ZHX2: variants seen among roughly 807,000 people sequenced by gnomAD.
ZHX2 encodes zinc fingers and homeoboxes 2.
ZHX2 carries 6 observed loss-of-function variants against 21.9 expected under a neutral mutation model. The observed-to-expected ratio is 0.27, with a 90% CI of 0.15 to 0.54. ZHX2 has a LOEUF of 0.54. Ranked by LOEUF, ZHX2 falls within the 20% of genes least tolerant of loss-of-function variation. The probability of loss-of-function intolerance (pLI) is 0.95; values close to 1 mark genes in which losing one functional copy is unlikely to be tolerated. For synonymous variants in ZHX2, 434 were observed against 437.1 expected (o/e 0.99, Z 0.09); for missense variants, 908 against 1,090.7 (o/e 0.83, Z 2.36).
At chr8:122,933,010 A>G (rs1015925081) in intron 2 of ZHX2, among the ~76,000 whole-genome samples, 3 of 152,134 alleles carry the variant, frequency 2.0e-5, no homozygotes, top group African/African-American at 7.2e-5. Context: ...CAAGGCTTTG[A>G]GATAAAGGGA....
At chr8:122,785,305 G>GTT (rs1817373549) in intron 1 of ZHX2, among the ~76,000 whole-genome samples, 2 of 152,276 alleles carry the variant, frequency 1.3e-5, no homozygotes, top group Non-Finnish European at 2.9e-5. Flanking sequence ...AGACAACAAC[G>GTT]GGGTGAGGGG....
At chr8:122,801,588 A>G (rs1817721453) in intron 1 of ZHX2, among the ~76,000 whole-genome samples, 1 of 141,516 alleles carries the variant, frequency 7.1e-6, no homozygotes, top group African/African-American at 2.6e-5. Context: ...ATCTCTACAA[A>G]AAAAAAAAAA....
chr8:122,882,200 T>C (rs1819728705), intron 2 of ZHX2, among the ~76,000 whole-genome samples: 1 of 152,184 alleles, frequency 6.6e-6, no homozygotes, highest in Admixed American at 6.5e-5. Context: ...CCCTCTTTTT[T>C]TGGCCACATT....
intron 1 of ZHX2, among the ~76,000 whole-genome samples, chr8:122,862,927 C>T (rs1337482134): frequency 6.6e-6 from 1 of 152,204 alleles, no homozygotes; most frequent in Admixed American, 6.5e-5. Context: ...GAACCGGGCA[C>T]ATGCCTTTTT....
In ZHX2 at chr8:122,895,671, A is replaced by G. The variant is rs546144886; in HGVS notation, c.-220+32132A>G. ...AGATGCTGTGTTAAGATGCAGGACA[A>G]CAAGGTAGATGTCATCCTTGCTCTT... On this transcript the variant is annotated intron_variant, in intron 2 of 3. Transcript: ENST00000314393. 3.9e-5 allele frequency among the ~76,000 whole-genome samples: 6 copies of G among 152,146 alleles called. No homozygotes were observed. The South Asian group carries it at 1.2e-3, about 32-fold the overall frequency.
chr8:122,866,024 G>T (rs1819286234), intron 2 of ZHX2, among the ~76,000 whole-genome samples: 2 of 152,212 alleles, frequency 1.3e-5, no homozygotes, highest in Admixed American at 1.3e-4. Flanking sequence ...ATTCCTAGCT[G>T]TGGGCCTCCT....
chr8:122,864,594 CAA>C (rs112125731), intron 2 of ZHX2, among the ~76,000 whole-genome samples: 15 of 152,158 alleles, frequency 9.9e-5, no homozygotes, highest in African/African-American at 3.6e-4. Flanking sequence ...ACCACATAGA[CAA>C]GAGGAAAAGG....
intron 1 of ZHX2, among the ~76,000 whole-genome samples, chr8:122,841,097 C>T (rs1222984031): frequency 1.3e-5 from 2 of 152,164 alleles, no homozygotes; most frequent in South Asian, 2.1e-4. Flanking sequence ...GTCTTTCTTT[C>T]GTTTTAGCAG....
intron 1 of ZHX2, among the ~76,000 whole-genome samples, chr8:122,838,301 C>T (rs1003181417): frequency 2.6e-5 from 4 of 152,176 alleles, no homozygotes; most frequent in African/African-American, 7.2e-5. Context: ...GAATATTCCT[C>T]GTGTGCCCAT....
At chr8:122,879,364 G>C (rs561947878) in intron 2 of ZHX2, among the ~76,000 whole-genome samples, 1 of 151,922 alleles carries the variant, frequency 6.6e-6, no homozygotes, top group South Asian at 2.1e-4. Flanking sequence ...ATGCCACCAC[G>C]CCCAGCTAAC....
At chr8:122,957,314 A>AG (rs1813329892) in intron 3 of ZHX2, among the ~76,000 whole-genome samples, 1 of 149,506 alleles carries the variant, frequency 6.7e-6, no homozygotes, top group African/African-American at 2.5e-5. Flanking sequence ...AAAAAAAAAA[A>AG]CATGCAGGAA....
At chr8:122,793,787 G>A (rs1483966393) in intron 1 of ZHX2, among the ~76,000 whole-genome samples, 2 of 152,232 alleles carry the variant, frequency 1.3e-5, no homozygotes, top group East Asian at 1.9e-4. Flanking sequence ...CCTCTTAATC[G>A]CAGAAGCTTG....
intron 2 of ZHX2, among the ~76,000 whole-genome samples, chr8:122,935,934 C>T (rs1406152169): frequency 6.6e-6 from 1 of 152,158 alleles, no homozygotes; most frequent in Non-Finnish European, 1.5e-5. Flanking sequence ...TCTGTCTCCC[C>T]TCCTAGATGG....
chr8:122,859,184 A>C (rs555355308), intron 1 of ZHX2, among the ~76,000 whole-genome samples: 39 of 152,328 alleles, frequency 2.6e-4, no homozygotes, highest in African/African-American at 8.9e-4. Flanking sequence ...CGCTCCTTCC[A>C]GCATGCTGCT....
chr8:122,801,223 T>C (rs1187286280), intron 1 of ZHX2, among the ~76,000 whole-genome samples: 2 of 152,224 alleles, frequency 1.3e-5, no homozygotes, highest in Non-Finnish European at 2.9e-5. Context: ...CCTACTTCAT[T>C]ATAAGTATCT....
chr8:122,948,271 G>T (rs1378082919), intron 2 of ZHX2, among the ~76,000 whole-genome samples: 1 of 152,144 alleles, frequency 6.6e-6, no homozygotes, highest in African/African-American at 2.4e-5. Flanking sequence ...GAGATGATAT[G>T]CCATCTCCTG....
intron 3 of ZHX2, among the ~76,000 whole-genome samples, chr8:122,970,424 GCACC>G (rs1813691218): frequency 1.3e-5 from 2 of 152,208 alleles, no homozygotes; most frequent in Non-Finnish European, 2.9e-5. Context: ...TGCTTGCTTT[GCACC>G]CTGTCTGTAA....
intron 1 of ZHX2, among the ~76,000 whole-genome samples, chr8:122,783,267 TC>T (rs1817328665): frequency 6.6e-6 from 1 of 152,112 alleles, no homozygotes; most frequent in Non-Finnish European, 1.5e-5. Context: ...CCTCGACCCC[TC>T]CCCTTTTAAA....
At chr8:122,971,022 C>A (rs920262910) in intron 3 of ZHX2, among the ~76,000 whole-genome samples, 1 of 152,228 alleles carries the variant, frequency 6.6e-6, no homozygotes, top group African/African-American at 2.4e-5. Context: ...TGGAGTCGGG[C>A]TTCACCACTC....
Sources: allele counts gnomAD v4.1 joint callset (sites outside exome capture counted in the v4.1 genomes callset), GRCh38; gene constraint gnomAD v4.1.1; transcripts MANE v1.5; gene names NCBI Gene and HGNC (gene_info 2026-07-23, HGNC 2026-07-21).